The following CHRNA7 variants were observed in gnomAD, a reference collection of about 807,000 sequenced individuals.
The protein encoded by CHRNA7 is neuronal acetylcholine receptor subunit alpha-7.
Under a neutral mutation model 48.0 loss-of-function variants are expected in CHRNA7, and 17 were observed. The observed-to-expected ratio is 0.35, with a 90% confidence interval of 0.24 to 0.53. The LOEUF (loss-of-function observed/expected upper bound fraction) is 0.53, where lower values mean the gene tolerates loss of function less well. Among genes scored for constraint, CHRNA7 ranks in the 20% least tolerant of loss-of-function variants. The pLI, the probability that CHRNA7 is intolerant of heterozygous loss-of-function variation, is 0.92. For synonymous variants in CHRNA7, 75 were observed against 242.3 expected, an observed-to-expected ratio of 0.31 and a Z score of 6.41; for missense variants, 155 against 577.7, an observed-to-expected ratio of 0.27 and a Z score of 7.50.
intron 2 of CHRNA7, among the ~76,000 whole-genome samples, chr15:32,052,375 G>A (rs1389478714): frequency 6.6e-6 from 1 of 152,172 alleles, no homozygotes; most frequent in African/African-American, 2.4e-5. Flanking sequence ...AGGGAGTGTA[G>A]TGGTGGTTAC....
chr15:32,086,474 G>A (rs951118596), intron 2 of CHRNA7, among the ~76,000 whole-genome samples: 1 of 152,018 alleles, frequency 6.6e-6, no homozygotes, highest in Admixed American at 6.6e-5. Context: ...TTCCCTGGAG[G>A]CCACACAGTT....
chr15:32,098,395 G>T (rs2050508796), intron 2 of CHRNA7, among the ~76,000 whole-genome samples: 1 of 152,198 alleles, frequency 6.6e-6, no homozygotes, highest in Non-Finnish European at 1.5e-5. Flanking sequence ...AGGTCTTATA[G>T]GAGAAGACAC....
chr15:32,164,913 TAAAAAAAAAAAAAAAA>T lies in CHRNA7; in HGVS notation c.990+1594_990+1609del, dbSNP rs1164824394. Among the ~76,000 whole-genome samples, 33 of 15,964 alleles carry T rather than the reference TAAAAAAAAAAAAAAAA, an allele frequency of 2.1e-3. 1 individual carries two copies. In the South Asian group the frequency reaches 0.12, roughly 57 times the overall value. 10.5% of individuals were successfully genotyped at this position (15,964 alleles called of 152,430 possible). A position where few individuals can be genotyped will look rare whatever the true frequency, so the allele number is the denominator to read the frequency against. On this transcript the variant is annotated intron_variant, in intron 9 of 9. Transcript: ENST00000306901. ...GGTGACAGAGCAAAACTCCATCTCC[TAAAAAAAAAAAAAAAA>T]AAAAAAAAAAAAAAAGACTGACTTG...
At chr15:32,030,833 G>T (rs1901788114) in intron 1 of CHRNA7, 65 bp from the exon 2 acceptor site, 8 of 1,569,190 alleles carry the variant, frequency 5.1e-6, no homozygotes, top group Non-Finnish European at 6.9e-6. Context: ...ACGCCGGCAG[G>T]AGGGAGTCGG....
At chr15:32,100,469 A>G (rs1463376883) in intron 2 of CHRNA7, 1 of 153,768 alleles carries the variant, frequency 6.5e-6, no homozygotes, top group Non-Finnish European at 1.5e-5. Flanking sequence ...GTTGCCTCCC[A>G]TTTGGAAAGG....
chr15:32,037,443 C>T (rs991532302), intron 2 of CHRNA7, among the ~76,000 whole-genome samples: 5 of 152,238 alleles, frequency 3.3e-5, no homozygotes, highest in Admixed American at 2.0e-4. Flanking sequence ...TTTATAATTG[C>T]TTTATCGATA....
chr15:32,165,657 C>CACAA (rs2052067525), intron 9 of CHRNA7: 1 of 151,966 alleles, frequency 6.6e-6, no homozygotes. Context: ...GTATGTGAAA[C>CACAA]ACAAACAGCC....
chr15:32,114,044 GTATATATATATATATACATATA>G (rs1158464538), intron 4 of CHRNA7, among the ~76,000 whole-genome samples: 2 of 63,606 alleles, frequency 3.1e-5, no homozygotes, highest in Non-Finnish European at 5.9e-5. Context: ...ATATATATAT[GTATATATATATATATACATATA>G]TATATATATA....
At chr15:32,148,868 C>T (rs2051552275) in intron 4 of CHRNA7, among the ~76,000 whole-genome samples, 1 of 152,246 alleles carries the variant, frequency 6.6e-6, no homozygotes, top group African/African-American at 2.4e-5. Flanking sequence ...CCGCCAGGGG[C>T]CTGTCCACAT....
At chr15:32,091,532 G>C (rs895598952) in intron 2 of CHRNA7, among the ~76,000 whole-genome samples, 2 of 152,136 alleles carry the variant, frequency 1.3e-5, no homozygotes, top group Admixed American at 6.5e-5. Context: ...ACATTTTCAG[G>C]AAATAGAGTG....
chr15:32,140,291 T>C (rs932140907), intron 4 of CHRNA7, among the ~76,000 whole-genome samples: 6 of 152,354 alleles, frequency 3.9e-5, no homozygotes, highest in African/African-American at 9.6e-5. Context: ...ATGGTGTATG[T>C]GTGCCACATT....
intron 4 of CHRNA7, among the ~76,000 whole-genome samples, chr15:32,133,262 A>G (rs1024578325): frequency 2.0e-5 from 3 of 152,248 alleles, no homozygotes; most frequent in Non-Finnish European, 4.4e-5. Context: ...CAGAAAAGGC[A>G]TAACAGGTCA....
chr15:32,105,538 A>C (rs561152667), intron 3 of CHRNA7, among the ~76,000 whole-genome samples: 1 of 152,000 alleles, frequency 6.6e-6, no homozygotes, highest in East Asian at 1.9e-4. Context: ...GAGGAGGAGG[A>C]AATTAAAATA....
chr15:32,033,523 A>G (rs1901943228), intron 2 of CHRNA7, among the ~76,000 whole-genome samples: 1 of 152,234 alleles, frequency 6.6e-6, no homozygotes, highest in Admixed American at 6.5e-5. Context: ...AAGTCATTTA[A>G]TTTATTTAAA....
chr15:32,062,091 A>G (rs1181191781), intron 2 of CHRNA7, among the ~76,000 whole-genome samples: 1 of 152,150 alleles, frequency 6.6e-6, no homozygotes, highest in Non-Finnish European at 1.5e-5. Flanking sequence ...TAGACAACCA[A>G]TTCTAACTCT....
chr15:32,134,123 C>T (rs1055915773), intron 4 of CHRNA7, among the ~76,000 whole-genome samples: 2 of 151,974 alleles, frequency 1.3e-5, no homozygotes, highest in Non-Finnish European at 2.9e-5. Flanking sequence ...CACATCCATC[C>T]TGTCCCACCC....
intron 9 of CHRNA7, chr15:32,163,643 G>A (rs1367640784): frequency 2.2e-5 from 2 of 91,094 alleles, no homozygotes; most frequent in Admixed American, 2.0e-4. Context: ...TAGTAGAGAT[G>A]GGGTTTCACT....
chr15:32,066,456 A>G (rs1294609830), intron 2 of CHRNA7, among the ~76,000 whole-genome samples: 2 of 151,884 alleles, frequency 1.3e-5, no homozygotes, highest in East Asian at 3.9e-4. Context: ...TAATTTTTGT[A>G]TTTTTAGTAG....
At chr15:32,154,880 T>C (rs145967624) in intron 5 of CHRNA7, among the ~76,000 whole-genome samples, 4 of 130 alleles carry the variant, frequency 0.031, no homozygotes, top group Non-Finnish European at 0.027. Context: ...CTCACACACA[T>C]CACTCACATA....
Sources: allele counts gnomAD v4.1 joint callset (sites outside exome capture counted in the v4.1 genomes callset), GRCh38; gene constraint gnomAD v4.1.1; transcripts MANE v1.5; gene names NCBI Gene and HGNC (gene_info 2026-07-23, HGNC 2026-07-21).